The following FRY variants were observed in gnomAD, a reference collection of about 807,000 sequenced individuals.
The protein encoded by FRY is FRY microtubule binding protein.
A neutral mutation model predicts 348.4 loss-of-function variants in FRY; 128 were observed. That is an observed-to-expected ratio of 0.37 (90% CI 0.32 to 0.43). The LOEUF (loss-of-function observed/expected upper bound fraction) is 0.43, where lower values mean the gene tolerates loss of function less well. Ranked by LOEUF, FRY falls within the 20% of genes least tolerant of loss-of-function variation. The pLI, the probability that FRY is intolerant of heterozygous loss-of-function variation, is 1.00. For synonymous variants in FRY, 1,370 were observed against 1,374.7 expected (o/e 1.00, Z 0.08); for missense variants, 2,736 against 3,695.2 (o/e 0.74, Z 6.73).
chr13:32,121,438 TTTTTTTG>T (rs1215378391), intron 4 of FRY, among the ~76,000 whole-genome samples: 7 of 152,190 alleles, frequency 4.6e-5, no homozygotes, highest in African/African-American at 9.6e-5. Flanking sequence ...CATCTACGGG[TTTTTTTG>T]TTTTTTGTTT....
At chr13:32,291,073 CA>C (rs1269919330) in intron 59 of FRY, among the ~76,000 whole-genome samples, 1 of 151,896 alleles carries the variant, frequency 6.6e-6, no homozygotes. Context: ...AACAAAAGGA[CA>C]GATGTGATTG....
chr13:32,239,734 C>T lies in FRY; in HGVS notation c.6540C>T (p.Pro2180=), dbSNP rs1159929173. Residue 2180 remains proline (P), a synonymous_variant, in exon 46 of 61, where the codon CCC becomes CCT. Transcript: ENST00000542859. The surrounding 1 kb of genome is among the most constrained non-coding windows in gnomAD (Gnocchi z 4.3). ...IAQVCLEEKN[P]KLSNLAHVMT... ...AGGTTTGTTTAGAAGAGAAGAACCCCAAACTTTCAAATCTTGCACATGTCA... is the reference window on the plus strand; with the variant it reads ...AGGTTTGTTTAGAAGAGAAGAACCCTAAACTTTCAAATCTTGCACATGTCA... 9 of 1,613,392 alleles carry T rather than the reference C, an allele frequency of 5.6e-6. No individual in the cohort carries two copies. The highest frequency in any genetic ancestry group is 7.6e-6 in the Non-Finnish European group (9 of 1,179,422).
chr13:32,051,825 T>C (rs774132758), intron 1 of FRY, among the ~76,000 whole-genome samples: 7 of 152,218 alleles, frequency 4.6e-5, no homozygotes, highest in Non-Finnish European at 8.8e-5. Context: ...CCCTGTGATA[T>C]TCAGAAAGAA....
intron 55 of FRY, among the ~76,000 whole-genome samples, chr13:32,274,566 T>C (rs1183146925): frequency 1.1e-4 from 16 of 151,568 alleles, no homozygotes; most frequent in East Asian, 3.9e-4. Flanking sequence ...TAGCCAGGCG[T>C]GGTGGCAGGC....
chr13:32,222,013 G>A (rs529051753), intron 36 of FRY, among the ~76,000 whole-genome samples: 1 of 152,250 alleles, frequency 6.6e-6, no homozygotes, highest in East Asian at 1.9e-4. Context: ...GGGTGGAGGG[G>A]GAGGGACTAA....
intron 2 of FRY, among the ~76,000 whole-genome samples, chr13:32,094,628 G>T (rs964092019): frequency 1.3e-5 from 2 of 151,946 alleles, no homozygotes; most frequent in African/African-American, 4.8e-5. Flanking sequence ...ATCTTTCTGT[G>T]CTTGGCTTAC....
intron 1 of FRY, among the ~76,000 whole-genome samples, chr13:32,061,453 A>T (rs1323317066): frequency 6.6e-6 from 1 of 152,248 alleles, no homozygotes; most frequent in Non-Finnish European, 1.5e-5. Context: ...TCACTAAAAG[A>T]TTTGGTATGA....
chr13:32,105,008 G>A (rs1566073569), intron 3 of FRY, among the ~76,000 whole-genome samples: 1 of 152,154 alleles, frequency 6.6e-6, no homozygotes, highest in Non-Finnish European at 1.5e-5. Flanking sequence ...AGCAGCGTGA[G>A]AACAGACTAA....
chr13:32,035,967 T>C (rs1292912669), intron 1 of FRY, among the ~76,000 whole-genome samples: 1 of 152,200 alleles, frequency 6.6e-6, no homozygotes, highest in African/African-American at 2.4e-5. Flanking sequence ...CAGGATCTGT[T>C]CAACCTAGAA....
chr13:32,055,283 G>C lies in FRY; in HGVS notation c.70+23418G>C, dbSNP rs114055825. On this transcript the variant is annotated intron_variant, in intron 1 of 60. Coordinates refer to ENST00000542859, the MANE Select transcript of FRY (RefSeq NM_023037.3). ...TGGCCTCAAACTCCTGGGCTCAAGA[G>C]TCTCCCACCTCGACCTCCCAAAGTG... Among the ~76,000 whole-genome samples, 549 of 152,150 alleles carry C rather than the reference G, an allele frequency of 3.6e-3. 1 individual carries two copies. The highest frequency in any genetic ancestry group is 0.012 in the African/African-American group (508 of 41,494).
intron 39 of FRY, among the ~76,000 whole-genome samples, chr13:32,228,169 A>G (rs886365956): frequency 3.9e-5 from 6 of 152,242 alleles, no homozygotes; most frequent in African/African-American, 1.4e-4. Flanking sequence ...ACAAACACGC[A>G]TACATACCTT....
chr13:32,265,434 C>T lies in FRY; in HGVS notation c.7780-16C>T, dbSNP rs1887865582. 1 of 1,613,702 alleles carries T rather than the reference C, an allele frequency of 6.2e-7. No homozygotes were observed. The highest frequency in any genetic ancestry group is 2.2e-5 in the East Asian group (1 of 44,886). Reference sequence around the variant, plus strand: ...CTTACACATTGGGGGATTCTTTTGTCTTTTTATTCTTCCAGGCTGAAGCTG... The same window carrying T: ...CTTACACATTGGGGGATTCTTTTGTTTTTTTATTCTTCCAGGCTGAAGCTG... On this transcript the variant is annotated splice_polypyrimidine_tract_variant and intron_variant, in intron 53 of 60. Transcript: ENST00000542859.
At chr13:32,120,410 G>C (rs1057127085) in intron 4 of FRY, among the ~76,000 whole-genome samples, 2 of 152,032 alleles carry the variant, frequency 1.3e-5, no homozygotes, top group South Asian at 2.1e-4. Context: ...AAATGGGGTA[G>C]AGGGACTGCC....
chr13:32,159,648 G>C (rs891748490), intron 16 of FRY, among the ~76,000 whole-genome samples: 5 of 152,182 alleles, frequency 3.3e-5, no homozygotes, highest in Non-Finnish European at 7.4e-5. Context: ...ATCTAGGCTT[G>C]TTTTATCATC....
At position 32,209,573 on chromosome 13, in the gene FRY, A is replaced by G. The variant is rs201411063; in HGVS notation, c.4276-12A>G. 1 of 1,613,706 alleles carries G rather than the reference A, an allele frequency of 6.2e-7. No homozygotes were observed. The highest frequency in any genetic ancestry group is 8.5e-7 in the Non-Finnish European group (1 of 1,179,780). ...TCACACATCTCTTGGGCCGGTTTTTATTTTGTTATAGTATGGAGATGAAGT... is the reference window on the plus strand; with the variant it reads ...TCACACATCTCTTGGGCCGGTTTTTGTTTTGTTATAGTATGGAGATGAAGT... On this transcript the variant is annotated splice_polypyrimidine_tract_variant and intron_variant, in intron 32 of 60. Transcript: ENST00000542859.
At position 32,237,443 on chromosome 13, in the gene FRY, C is replaced by T. The variant is rs150264010; in HGVS notation, c.5875C>T (p.Leu1959=). 23 of 1,614,006 alleles carry T rather than the reference C, an allele frequency of 1.4e-5. No homozygotes were observed. The highest frequency in any genetic ancestry group is 1.9e-5 in the Non-Finnish European group (23 of 1,179,990). The part of the protein sequence containing the change: ...LTASRKSTGQ[L]NMNPGTTSGN... ...AGCAAGCAGAAAGAGCACAGGACAA[C>T]TAAACATGAACCCGGGAACCACCAG... The change falls in exon 44 of 61, where the codon CTA becomes TTA. Residue 1959 remains leucine, a synonymous_variant. Coordinates refer to ENST00000542859, the MANE Select transcript of FRY (RefSeq NM_023037.3). The surrounding 1 kb of genome is among the most constrained non-coding windows in gnomAD (Gnocchi z 6.3).
At chr13:32,078,027 A>C (rs1875211353) in intron 1 of FRY, among the ~76,000 whole-genome samples, 1 of 152,240 alleles carries the variant, frequency 6.6e-6, no homozygotes, top group Non-Finnish European at 1.5e-5. Context: ...AAAGTACTGT[A>C]AAAAGTAGAG....
intron 1 of FRY, among the ~76,000 whole-genome samples, chr13:32,074,984 AC>A (rs982529196): frequency 3.6e-4 from 55 of 152,324 alleles, no homozygotes; most frequent in African/African-American, 1.3e-3. Context: ...CAAGGAAAGC[AC>A]CCCAGGTAGA....
intron 1 of FRY, among the ~76,000 whole-genome samples, chr13:32,070,493 G>A (rs1451222148): frequency 1.3e-5 from 2 of 151,182 alleles, no homozygotes; most frequent in Non-Finnish European, 2.9e-5. Flanking sequence ...TTTCACGTCT[G>A]TTGGCCACAT....
Sources: gnomAD v4.1 joint callset for allele counts (sites outside exome capture counted in the v4.1 genomes callset) on GRCh38, gnomAD v4.1.1 for gene constraint, Gnocchi (gnomAD v3.1) non-coding constraint, MANE v1.5 for transcripts, NCBI Gene and HGNC (gene_info 2026-07-23, HGNC 2026-07-21) for gene names.